The following PGM5 variants were observed in gnomAD, a reference collection of about 807,000 sequenced individuals.
PGM5 encodes the protein phosphoglucomutase-like protein 5.
PGM5 carries 23 observed loss-of-function variants against 59.2 expected under a neutral mutation model. The observed-to-expected ratio is 0.39, with a 90% confidence interval of 0.28 to 0.55. The LOEUF (loss-of-function observed/expected upper bound fraction) is 0.55, where lower values mean the gene tolerates loss of function less well. PGM5 is among the 20% of genes least tolerant of loss of function. The probability of loss-of-function intolerance (pLI) is 0.66; values close to 1 mark genes in which losing one functional copy is unlikely to be tolerated. For synonymous variants in PGM5, 214 were observed against 286.0 expected (o/e 0.75, Z 2.54); for missense variants, 574 against 748.3 (o/e 0.77, Z 2.72).
At chr9:68,512,637 A>G (rs1554689459) in intron 10 of PGM5, among the ~76,000 whole-genome samples, 1 of 152,162 alleles carries the variant, frequency 6.6e-6, no homozygotes, top group African/African-American at 2.4e-5. Flanking sequence ...TTTAATAAGG[A>G]CACCAGTCAT....
Position 68,516,719 on chromosome 9 carries a change from C to G in PGM5, c.1615-12848C>G, listed in dbSNP as rs145014346. On this transcript the variant is annotated intron_variant, in intron 10 of 10. Coordinates refer to ENST00000396396, the MANE Select transcript of PGM5 (RefSeq NM_021965.4). Reference sequence around the variant, plus strand: ...CCACTCAGCCAGGAGTTCTCCTTGCCAAAGTGGGCCTGGGGTCTCAGCCTC... The same window carrying G: ...CCACTCAGCCAGGAGTTCTCCTTGCGAAAGTGGGCCTGGGGTCTCAGCCTC... 8.5e-5 allele frequency among the ~76,000 whole-genome samples: 13 copies of G among 152,258 alleles called. No individual in the cohort carries two copies. In the East Asian group the frequency reaches 1.9e-3, roughly 23 times the overall value.
chr9:68,375,089 C>T (rs1320372065), intron 1 of PGM5, among the ~76,000 whole-genome samples: 6 of 152,040 alleles, frequency 3.9e-5, no homozygotes, highest in Non-Finnish European at 8.8e-5. Flanking sequence ...TGTTGGCAGG[C>T]CTTGCTCCCT....
intron 6 of PGM5, among the ~76,000 whole-genome samples, chr9:68,410,726 C>A (rs576476589): frequency 6.6e-6 from 1 of 152,230 alleles, no homozygotes; most frequent in South Asian, 2.1e-4. Flanking sequence ...CCAGGTCTTA[C>A]CTATGGAGTC....
chr9:68,478,907 A>G (rs76110826), intron 7 of PGM5, among the ~76,000 whole-genome samples: 5,023 of 152,330 alleles, frequency 0.033, 159 homozygotes, highest in African/African-American at 0.089. Context: ...CCTTAGGTCA[A>G]GCAGCTTTTG....
chr9:68,491,475 C>T (rs182332690), intron 9 of PGM5, among the ~76,000 whole-genome samples: 28 of 152,230 alleles, frequency 1.8e-4, no homozygotes, highest in African/African-American at 5.8e-4. Flanking sequence ...TGGGATGCTA[C>T]GATAACTGTG....
chr9:68,413,367 C>T (rs1257108527), intron 6 of PGM5, among the ~76,000 whole-genome samples: 1 of 151,866 alleles, frequency 6.6e-6, no homozygotes, highest in Non-Finnish European at 1.5e-5. Flanking sequence ...GGAAATTCTC[C>T]CCAAGGGTTT....
Position 68,376,086 on chromosome 9 carries a change from T to C in PGM5, c.262-2113T>C, listed in dbSNP as rs1414597892. On this transcript the variant is annotated intron_variant, in intron 1 of 10. Transcript: ENST00000396396. ...CTACAATGAAGACTTTGGCTTTGTT[T>C]TGGGTTGGTGAGGGACAAGGAAAGC... 4.6e-5 allele frequency among the ~76,000 whole-genome samples: 7 copies of C among 152,242 alleles called. No homozygotes were observed. In the South Asian group the frequency reaches 1.2e-3, roughly 27 times the overall value.
Position 68,357,163 on chromosome 9 carries a change from C to T in PGM5, c.36C>T (p.Pro12=), listed in dbSNP as rs782363651. 3 of 1,535,626 alleles carry T rather than the reference C, an allele frequency of 2.0e-6. No homozygotes were observed. The South Asian group carries it at 3.6e-5, about 18-fold the overall frequency. Residue 12 remains proline, a synonymous_variant, in exon 1 of 11, where the codon CCC becomes CCT. Transcript: ENST00000396396. Reference sequence around the variant, plus strand: ...GCCCCATCCCGGTGCTGACAGTGCCCACCGCGCCCTACGAGGACCAGCGGC... The same window carrying T: ...GCCCCATCCCGGTGCTGACAGTGCCTACCGCGCCCTACGAGGACCAGCGGC... ...EGSPIPVLTV[P]TAPYEDQRPA...
chr9:68,440,409 C>T (rs1237312259), intron 6 of PGM5, among the ~76,000 whole-genome samples: 6 of 152,052 alleles, frequency 3.9e-5, no homozygotes, highest in African/African-American at 1.4e-4. Context: ...TAGAATTAGA[C>T]TAAAATTTAA....
chr9:68,470,077 T>C (rs1823996893), intron 7 of PGM5, among the ~76,000 whole-genome samples: 1 of 152,250 alleles, frequency 6.6e-6, no homozygotes, highest in Non-Finnish European at 1.5e-5. Context: ...TCAATCATCA[T>C]AATTATTAGC....
intron 9 of PGM5, chr9:68,498,697 C>T (rs1824520458): frequency 6.5e-6 from 1 of 153,228 alleles, no homozygotes; most frequent in Non-Finnish European, 1.5e-5. Context: ...TGGCAGTGTA[C>T]TTGGCTACCC....
At chr9:68,523,518 G>A (rs2132120634) in intron 10 of PGM5, among the ~76,000 whole-genome samples, 1 of 152,254 alleles carries the variant, frequency 6.6e-6, no homozygotes, top group East Asian at 1.9e-4. Flanking sequence ...GAAATCTGGA[G>A]AGAAAGCCTG....
chr9:68,503,351 G>A (rs1353984500), intron 10 of PGM5, among the ~76,000 whole-genome samples: 2 of 152,100 alleles, frequency 1.3e-5, no homozygotes, highest in African/African-American at 2.4e-5. Flanking sequence ...CTATGGTTGG[G>A]GAAGATCATC....
intron 10 of PGM5, among the ~76,000 whole-genome samples, chr9:68,522,184 G>A (rs1824908708): frequency 6.6e-6 from 1 of 152,178 alleles, no homozygotes; most frequent in Non-Finnish European, 1.5e-5. Context: ...GAACCCAAGA[G>A]GCAAAAGTTG....
intron 6 of PGM5, among the ~76,000 whole-genome samples, chr9:68,432,338 A>AC (rs1823364562): frequency 1.3e-5 from 2 of 150,360 alleles, no homozygotes; most frequent in South Asian, 4.2e-4. Flanking sequence ...TAGCTGGATT[A>AC]CACAGGCAAG....
At chr9:68,462,836 T>C (rs1197255436) in intron 6 of PGM5, among the ~76,000 whole-genome samples, 1 of 152,152 alleles carries the variant, frequency 6.6e-6, no homozygotes, top group Non-Finnish European at 1.5e-5. Context: ...TCTCTCTTCC[T>C]TGAGTTTCTG....
chr9:68,510,903 T>C (rs190858033), intron 10 of PGM5, among the ~76,000 whole-genome samples: 1 of 152,324 alleles, frequency 6.6e-6, no homozygotes, highest in East Asian at 1.9e-4. Flanking sequence ...TGATTGGCAA[T>C]TGGTTGAAAA....
At chr9:68,509,784 G>A (rs1471906036) in intron 10 of PGM5, among the ~76,000 whole-genome samples, 2 of 152,124 alleles carry the variant, frequency 1.3e-5, no homozygotes, top group East Asian at 3.9e-4. Context: ...TAATTTGCTG[G>A]TACCTAGCCT....
At chr9:68,402,093 G>A (rs1419471581) in intron 6 of PGM5, among the ~76,000 whole-genome samples, 1 of 152,034 alleles carries the variant, frequency 6.6e-6, no homozygotes, top group Non-Finnish European at 1.5e-5. Flanking sequence ...CGAAGCCCCT[G>A]TCTCTACTAA....
Sources: allele counts gnomAD v4.1 joint callset (sites outside exome capture counted in the v4.1 genomes callset), GRCh38; gene constraint gnomAD v4.1.1; transcripts MANE v1.5; gene names NCBI Gene and HGNC (gene_info 2026-07-23, HGNC 2026-07-21).